Variants in CFAP58 observed in about 807,000 individuals in gnomAD.
CFAP58 encodes the protein cilia and flagella associated protein 58.
A neutral mutation model predicts 119.5 loss-of-function variants in CFAP58; 88 were observed. The ratio of observed to expected loss-of-function variants is 0.74; its 90% CI spans 0.62 to 0.88. The LOEUF (loss-of-function observed/expected upper bound fraction) is 0.88. CFAP58 is among the 40% of genes least tolerant of loss of function. CFAP58 has a pLI of 0.00. For synonymous variants in CFAP58, 365 were observed against 366.3 expected, an observed-to-expected ratio of 1.00 and a Z score of 0.04; for missense variants, 990 against 1,021.2, an observed-to-expected ratio of 0.97 and a Z score of 0.42.
chr10:104,388,365 C>T lies in CFAP58; in HGVS notation c.1366-3868C>T, dbSNP rs116907192. On this transcript the variant is annotated intron_variant, in intron 9 of 17. Coordinates refer to ENST00000369704, the MANE Select transcript of CFAP58 (RefSeq NM_001008723.2). ...ATGCTGGCGTAGACATATATTCTCTCACTTAAATCCTCATAATAGCCCTGT... is the reference window on the plus strand; with the variant it reads ...ATGCTGGCGTAGACATATATTCTCTTACTTAAATCCTCATAATAGCCCTGT... Among the ~76,000 whole-genome samples, 1,433 of 152,268 alleles carry T rather than the reference C, an allele frequency of 9.4e-3. 8 individuals carry two copies. Among genetic ancestry groups the T allele is most frequent in the Admixed American group, 0.016 (238 of 15,298 alleles).
chr10:104,386,963 G>A (rs898937309), intron 9 of CFAP58, among the ~76,000 whole-genome samples: 2 of 152,200 alleles, frequency 1.3e-5, no homozygotes, highest in Non-Finnish European at 1.5e-5. Flanking sequence ...CTGCAAAACA[G>A]CATCAACATT....
At chr10:104,405,852 T>A (rs2012349525) in intron 14 of CFAP58, among the ~76,000 whole-genome samples, 1 of 152,232 alleles carries the variant, frequency 6.6e-6, no homozygotes, top group Non-Finnish European at 1.5e-5. Context: ...GGCTCACACC[T>A]GTAATCCCAG....
upstream of CFAP58, chr10:104,352,054 GTAGT>G (rs1449351553): frequency 6.6e-6 from 1 of 152,194 alleles, no homozygotes; most frequent in Non-Finnish European, 1.5e-5. Flanking sequence ...AAATTCACTA[GTAGT>G]TAGAGAAGTG....
intron 2 of CFAP58, among the ~76,000 whole-genome samples, chr10:104,360,355 C>T (rs1440159435): frequency 6.6e-6 from 1 of 151,992 alleles, no homozygotes; most frequent in African/African-American, 2.4e-5. Flanking sequence ...AAGCATAACA[C>T]TGGCATCTGC....
intron 17 of CFAP58, 132 bp from the exon 18 acceptor site, chr10:104,454,290 C>T (rs1589942202): frequency 2.6e-6 from 2 of 770,268 alleles, no homozygotes; most frequent in South Asian, 3.1e-5. Context: ...TAGATTTAAA[C>T]AACTACCTTG....
At chr10:104,425,494 C>A (rs563680057) in intron 15 of CFAP58, among the ~76,000 whole-genome samples, 1 of 152,324 alleles carries the variant, frequency 6.6e-6, no homozygotes, top group African/African-American at 2.4e-5. Context: ...GACCGTAACT[C>A]CCATAGCCGC....
At chr10:104,350,430 T>C (rs1395964564), upstream of CFAP58, among the ~76,000 whole-genome samples, 1 of 152,146 alleles carries the variant, frequency 6.6e-6, no homozygotes, top group African/African-American at 2.4e-5. Context: ...ATCCAGAAAA[T>C]TGGAAATCAA....
chr10:104,387,358 G>C (rs1234854817), intron 9 of CFAP58, among the ~76,000 whole-genome samples: 1 of 152,174 alleles, frequency 6.6e-6, no homozygotes, highest in Non-Finnish European at 1.5e-5. Flanking sequence ...TCTTCTCATG[G>C]GGGAAGGAAG....
At chr10:104,424,371 G>C (rs2012709074) in intron 15 of CFAP58, among the ~76,000 whole-genome samples, 1 of 152,160 alleles carries the variant, frequency 6.6e-6, no homozygotes, top group Non-Finnish European at 1.5e-5. Flanking sequence ...TATACTGTCT[G>C]TTCTGAGATG....
intron 9 of CFAP58, among the ~76,000 whole-genome samples, chr10:104,389,233 C>A (rs2133026959): frequency 6.6e-6 from 1 of 152,286 alleles, no homozygotes; most frequent in East Asian, 1.9e-4. Flanking sequence ...CTGCTCGTTT[C>A]AATATTTGTT....
rs868024719 is a variant in CFAP58, at chr10:104,390,923, G to A, written c.1366-1310G>A. On this transcript the variant is annotated intron_variant, in intron 9 of 17. Transcript: ENST00000369704. Reference sequence around the variant, plus strand: ...TAGTACAAAATTATATACATTGAAAGACATTTACTAAAATTCAATCCCATC... The same window carrying A: ...TAGTACAAAATTATATACATTGAAAAACATTTACTAAAATTCAATCCCATC... Among the ~76,000 whole-genome samples the A allele has an allele frequency of 3.5e-4, 54 of 152,196 alleles. No individual in the cohort carries two copies. In the Middle Eastern group the frequency reaches 0.014, roughly 38 times the overall value.
the CFAP58 span, among the ~76,000 whole-genome samples, chr10:104,342,868 A>AAAAAAT: frequency 2.7e-5 from 4 of 149,570 alleles, no homozygotes; most frequent in Admixed American, 6.7e-5. Flanking sequence ...AAAAAAAAAA[A>AAAAAAT]GTGACTTGTG....
intron 15 of CFAP58, among the ~76,000 whole-genome samples, chr10:104,446,145 T>A (rs1331334745): frequency 1.3e-5 from 2 of 152,234 alleles, no homozygotes; most frequent in Non-Finnish European, 2.9e-5. Context: ...GTTAAGTGTC[T>A]CTAGAAAATA....
intron 15 of CFAP58, among the ~76,000 whole-genome samples, chr10:104,439,851 GCT>G (rs1336451337): frequency 1.3e-5 from 2 of 151,954 alleles, no homozygotes; most frequent in Non-Finnish European, 2.9e-5. Flanking sequence ...ACGGAGTCTC[GCT>G]CTGTGGCCCA....
intron 15 of CFAP58, among the ~76,000 whole-genome samples, chr10:104,432,432 C>A (rs1383575374): frequency 6.6e-6 from 1 of 151,798 alleles, no homozygotes; most frequent in Non-Finnish European, 1.5e-5. Flanking sequence ...ATTATCTTTC[C>A]TTTTGGCCTA....
intron 11 of CFAP58, among the ~76,000 whole-genome samples, chr10:104,398,683 A>T (rs141103783): frequency 9.5e-4 from 145 of 152,298 alleles, no homozygotes; most frequent in African/African-American, 3.4e-3. Flanking sequence ...GACCTCCCAT[A>T]ATATCGATTC....
At chr10:104,357,855 A>ATGTACACATATG (rs1225155908) in intron 1 of CFAP58, among the ~76,000 whole-genome samples, 9 of 46,726 alleles carry the variant, frequency 1.9e-4, no homozygotes, top group Non-Finnish European at 4.3e-4. Context: ...GTACACATAT[A>ATGTACACATATG]TACACATATA....
At chr10:104,351,118 G>T (rs964068782), upstream of CFAP58, among the ~76,000 whole-genome samples, 1 of 152,140 alleles carries the variant, frequency 6.6e-6, no homozygotes, top group Non-Finnish European at 1.5e-5. Flanking sequence ...GCCTGAGCTG[G>T]GTTGCCTGTC....
Position 104,380,148 on chromosome 10 carries a change from G to A in CFAP58, c.1293G>A (p.Gln431=), listed in dbSNP as rs936258293. 1 of 1,614,136 alleles carries A rather than the reference G, an allele frequency of 6.2e-7. No individual in the cohort carries two copies. Among genetic ancestry groups the A allele is most frequent in the Non-Finnish European group, 8.5e-7 (1 of 1,180,024 alleles). Residue 431 remains glutamine (Q), a synonymous_variant, in exon 9 of 18, where the codon CAG becomes CAA. Coordinates refer to ENST00000369704, the MANE Select transcript of CFAP58 (RefSeq NM_001008723.2). Reference sequence around the variant, plus strand: ...ACTACAAGGATGAGGCTCAGAAGCAGAGAAAGATCATCTTTCATCTGGAAA... The same window carrying A: ...ACTACAAGGATGAGGCTCAGAAGCAAAGAAAGATCATCTTTCATCTGGAAA... ...IQNYKDEAQK[Q]RKIIFHLEKE...
Sources: gnomAD v4.1 joint callset for allele counts (sites outside exome capture counted in the v4.1 genomes callset) on GRCh38, gnomAD v4.1.1 for gene constraint, MANE v1.5 for transcripts, NCBI Gene and HGNC (gene_info 2026-07-23, HGNC 2026-07-21) for gene names.